ZNF804A: variants seen among roughly 807,000 people sequenced by gnomAD.
ZNF804A encodes the protein zinc finger protein 804A.
In ZNF804A, 2 loss-of-function variants were observed where a neutral mutation model predicts 16.5. That is an observed-to-expected ratio of 0.12 (90% confidence interval 0.05 to 0.38). ZNF804A has a LOEUF of 0.38. Among genes scored for constraint, ZNF804A ranks in the 10% least tolerant of loss-of-function variants. The pLI is 0.99. For missense variants in ZNF804A, 1,473 were observed against 1,390.7 expected (o/e 1.06, Z -0.94); for synonymous variants, 534 against 489.6 (o/e 1.09, Z -1.20).
chr2:184,601,916 A>G (rs537796951), intron 1 of ZNF804A, among the ~76,000 whole-genome samples: 1 of 152,064 alleles, frequency 6.6e-6, no homozygotes, highest in African/African-American at 2.4e-5. Flanking sequence ...CTTCAAAAAA[A>G]TCACAGGATT....
intron 1 of ZNF804A, among the ~76,000 whole-genome samples, chr2:184,765,211 G>T (rs1260953507): frequency 6.6e-6 from 1 of 152,138 alleles, no homozygotes; most frequent in East Asian, 1.9e-4. Context: ...TTTTATCTCT[G>T]ACTTCAGTAG....
intron 1 of ZNF804A, among the ~76,000 whole-genome samples, chr2:184,720,183 G>A (rs1693287172): frequency 6.6e-6 from 1 of 152,072 alleles, no homozygotes; most frequent in African/African-American, 2.4e-5. Context: ...TGAGAACAGT[G>A]CAGGAAAAAC....
chr2:184,794,293 G>T (rs535538099), intron 1 of ZNF804A, among the ~76,000 whole-genome samples: 81 of 152,018 alleles, frequency 5.3e-4, no homozygotes, highest in African/African-American at 1.7e-3. Context: ...ATTGCATTGT[G>T]ATTTTTATTT....
chr2:184,905,221 T>A (rs1327580519), intron 2 of ZNF804A, among the ~76,000 whole-genome samples: 1 of 152,100 alleles, frequency 6.6e-6, no homozygotes, highest in Admixed American at 6.6e-5. Flanking sequence ...AAAGACACTA[T>A]CCCTGCTGTC....
At chr2:184,643,371 C>T (rs1012541682) in intron 1 of ZNF804A, among the ~76,000 whole-genome samples, 1 of 151,800 alleles carries the variant, frequency 6.6e-6, no homozygotes. Flanking sequence ...AAAATACTGT[C>T]TAGGAGTCTT....
intron 2 of ZNF804A, among the ~76,000 whole-genome samples, chr2:184,923,566 G>A (rs990430853): frequency 6.6e-6 from 1 of 151,894 alleles, no homozygotes; most frequent in Non-Finnish European, 1.5e-5. Flanking sequence ...GATTGCTCTA[G>A]CTAGGATTTC....
intron 1 of ZNF804A, among the ~76,000 whole-genome samples, chr2:184,652,711 T>C (rs899442141): frequency 6.6e-6 from 1 of 152,178 alleles, no homozygotes. Context: ...TTCTATATGG[T>C]TCGGCTGTGT....
At chr2:184,781,905 G>A (rs1438740661) in intron 1 of ZNF804A, among the ~76,000 whole-genome samples, 2 of 151,840 alleles carry the variant, frequency 1.3e-5, no homozygotes, top group African/African-American at 4.8e-5. Context: ...CCATTCTGGA[G>A]GCTAAAAGAC....
intron 1 of ZNF804A, among the ~76,000 whole-genome samples, chr2:184,641,901 G>A (rs951734324): frequency 1.1e-4 from 16 of 152,086 alleles, no homozygotes; most frequent in Non-Finnish European, 2.1e-4. Context: ...ATGTAAAATA[G>A]GTCTTTTGTC....
At position 184,901,340 on chromosome 2, in the gene ZNF804A, G is replaced by A. The variant is rs1685179203; in HGVS notation, c.256-32263G>A. 5.9e-5 allele frequency among the ~76,000 whole-genome samples: 9 copies of A among 152,094 alleles called. 1 individual carries two copies. On this transcript the variant is annotated intron_variant, in intron 2 of 3. Coordinates refer to ENST00000302277, the MANE Select transcript of ZNF804A (RefSeq NM_194250.2). ...GCAGGTCTGAAACTTGTTTAGAAGA[G>A]AGTGAAGGGAAGGAAAGAGAATTGA...
intron 1 of ZNF804A, among the ~76,000 whole-genome samples, chr2:184,804,589 T>C (rs1171551309): frequency 6.6e-6 from 1 of 152,024 alleles, no homozygotes; most frequent in Non-Finnish European, 1.5e-5. Context: ...GATGTAGAAA[T>C]AGAATGGAGC....
intron 1 of ZNF804A, among the ~76,000 whole-genome samples, chr2:184,804,848 G>T (rs989816827): frequency 5.9e-5 from 9 of 152,144 alleles, no homozygotes; most frequent in Admixed American, 2.6e-4. Context: ...TATAAATATA[G>T]CCGTACACTT....
intron 2 of ZNF804A, among the ~76,000 whole-genome samples, chr2:184,913,051 T>C (rs188353050): frequency 6.6e-6 from 1 of 152,184 alleles, no homozygotes; most frequent in Admixed American, 6.6e-5. Flanking sequence ...TTTAAGACTT[T>C]TATAGATTTA....
intron 2 of ZNF804A, among the ~76,000 whole-genome samples, chr2:184,911,674 T>G (rs1422270474): frequency 6.8e-6 from 1 of 146,348 alleles, no homozygotes; most frequent in Non-Finnish European, 1.5e-5. Context: ...GTTTTCCTTG[T>G]GGAGACCTTT....
rs1029787854 is a variant in ZNF804A, at chr2:184,709,840, T to C, written c.111+110770T>C. 8.1e-5 allele frequency among the ~76,000 whole-genome samples: 12 copies of C among 147,490 alleles called. No homozygotes were observed. In the South Asian group the frequency reaches 8.4e-4, roughly 10 times the overall value. On this transcript the variant is annotated intron_variant, in intron 1 of 3. Transcript: ENST00000302277. ...GTATTTTAATATGAGGAAAATATAT[T>C]TTTATAGTATATATTATAAATATAT...
At chr2:184,688,370 G>A (rs1264192587) in intron 1 of ZNF804A, among the ~76,000 whole-genome samples, 1 of 148,400 alleles carries the variant, frequency 6.7e-6, no homozygotes, top group Non-Finnish European at 1.5e-5. Context: ...GTGTGTGTGT[G>A]TACGTGTGTC....
At chr2:184,763,315 C>T (rs999168760) in intron 1 of ZNF804A, among the ~76,000 whole-genome samples, 21 of 152,084 alleles carry the variant, frequency 1.4e-4, no homozygotes, top group Non-Finnish European at 2.2e-4. Flanking sequence ...AAAATCTGGA[C>T]ACAGAGACAA....
intron 1 of ZNF804A, among the ~76,000 whole-genome samples, chr2:184,621,309 A>T (rs1196591020): frequency 6.6e-6 from 1 of 151,764 alleles, no homozygotes; most frequent in Non-Finnish European, 1.5e-5. Flanking sequence ...ATACATTTGC[A>T]TGTTGATCCC....
rs933727673 is a variant in ZNF804A at position 184,632,543 on chromosome 2, G to A, written c.111+33473G>A. On this transcript the variant is annotated intron_variant, in intron 1 of 3. Coordinates refer to ENST00000302277, the MANE Select transcript of ZNF804A (RefSeq NM_194250.2). The stretch of plus-strand genomic sequence containing the variant: ...CCTGAGTATCTGGGATTACAGGGGC[G>A]TGCCACCACGCCTGGCTAATTTTTG... Among the ~76,000 whole-genome samples the A allele has an allele frequency of 5.3e-5, 8 of 152,186 alleles. No homozygotes were observed. In the South Asian group the frequency reaches 6.2e-4, roughly 12 times the overall value.
Sources: allele counts gnomAD v4.1 joint callset (sites outside exome capture counted in the v4.1 genomes callset), GRCh38; gene constraint gnomAD v4.1.1; transcripts MANE v1.5; gene names NCBI Gene and HGNC (gene_info 2026-07-23, HGNC 2026-07-21).